The following RRBP1 variants were observed in gnomAD, a reference collection of about 807,000 sequenced individuals.
RRBP1 encodes the protein ribosome binding protein 1.
RRBP1 carries 94 observed loss-of-function variants against 165.2 expected under a neutral mutation model. The observed-to-expected ratio is 0.57, with a 90% CI of 0.48 to 0.68. The LOEUF is 0.68. RRBP1 is among the 30% of genes least tolerant of loss of function. RRBP1 has a pLI of 0.00. For synonymous variants in RRBP1, 680 were observed against 714.5 expected (o/e 0.95, Z 0.77); for missense variants, 1,676 against 1,763.0 (o/e 0.95, Z 0.88).
chr20:17,634,653 C>T (rs552618045), intron 7 of RRBP1, among the ~76,000 whole-genome samples: 179 of 152,326 alleles, frequency 1.2e-3, no homozygotes, highest in Non-Finnish European at 2.0e-3. Context: ...AGAGCCTTAC[C>T]CATTAAGGAG....
chr20:17,616,718 C>T lies in RRBP1; in HGVS notation c.3867+14G>A. 6.3e-7 allele frequency: 1 copy of T among 1,582,710 alleles called. No homozygotes were observed. Among genetic ancestry groups the T allele is most frequent in the African/African-American group, 1.4e-5 (1 of 73,942 alleles). ...GATTAGTGATGTGTCTGGGGACCAG[C>T]TCACCGCCCTAACCTGAACGGGGTC... On this transcript the variant is annotated intron_variant, in intron 21 of 24. Transcript: ENST00000377813.
At chr20:17,679,177 GTTATT>G (rs2037134620) in intron 2 of RRBP1, among the ~76,000 whole-genome samples, 1 of 152,192 alleles carries the variant, frequency 6.6e-6, no homozygotes. Flanking sequence ...CTAGAACAGG[GTTATT>G]TTAAGGCCTA....
At chr20:17,651,294 C>T (rs2122407679) in intron 3 of RRBP1, among the ~76,000 whole-genome samples, 1 of 152,298 alleles carries the variant, frequency 6.6e-6, no homozygotes, top group South Asian at 2.1e-4. Flanking sequence ...GGCCTCTCAT[C>T]GTAAATTGTG....
rs1600727872 is a variant in RRBP1 at position 17,621,768 on chromosome 20, G to A, written c.3246C>T (p.Tyr1082=). 1.2e-6 allele frequency: 2 copies of A among 1,613,854 alleles called. No individual in the cohort carries two copies. Among genetic ancestry groups the A allele is most frequent in the Admixed American group, 1.7e-5 (1 of 60,014 alleles). Residue 1082 remains tyrosine, a synonymous_variant, in exon 15 of 25, where the codon TAC becomes TAT. Coordinates refer to ENST00000377813, the MANE Select transcript of RRBP1 (RefSeq NM_001365613.2). ...CTTTGAGATCCTGCAGCCACTCGGTGTAATTCTGCAATGAAACACATTCGG... is the reference window on the plus strand; with the variant it reads ...CTTTGAGATCCTGCAGCCACTCGGTATAATTCTGCAATGAAACACATTCGG... ...PELSVLAQQN[Y]TEWLQDLKEK... is the part of the protein sequence containing the mutation.
At chr20:17,622,695 T>C (rs1308066841) in intron 13 of RRBP1, among the ~76,000 whole-genome samples, 1 of 152,018 alleles carries the variant, frequency 6.6e-6, no homozygotes, top group Non-Finnish European at 1.5e-5. Flanking sequence ...AAGGGAATCA[T>C]GAAGCAAAGC....
chr20:17,620,189 T>A (rs1472483305), intron 18 of RRBP1, 110 bp downstream of exon 18: 3 of 814,558 alleles, frequency 3.7e-6, no homozygotes, highest in Non-Finnish European at 6.2e-6. Flanking sequence ...ATGCCTCTCT[T>A]AAGGCACACG....
At chr20:17,672,043 T>C (rs1227103996) in intron 2 of RRBP1, among the ~76,000 whole-genome samples, 1 of 152,098 alleles carries the variant, frequency 6.6e-6, no homozygotes, top group Non-Finnish European at 1.5e-5. Flanking sequence ...TACTACCAAC[T>C]CTGGACCTGG....
At chr20:17,640,525 T>C (rs567939228) in intron 5 of RRBP1, among the ~76,000 whole-genome samples, 1 of 152,148 alleles carries the variant, frequency 6.6e-6, no homozygotes, top group African/African-American at 2.4e-5. Flanking sequence ...TCCTCACAGA[T>C]CAGCATTTGG....
intron 3 of RRBP1, among the ~76,000 whole-genome samples, chr20:17,644,331 G>C (rs2036424703): frequency 6.6e-6 from 1 of 151,124 alleles, no homozygotes; most frequent in East Asian, 1.9e-4. Context: ...GCAAAAGCAT[G>C]CCCCTTCAAC....
rs759799142 is a variant in RRBP1, at chr20:17,635,635, A to C, written c.2367T>G (p.Asn789Lys). The C allele has an allele frequency of 6.2e-7, 1 of 1,613,560 alleles. No homozygotes were observed. The highest frequency in any genetic ancestry group is 8.5e-7 in the Non-Finnish European group (1 of 1,179,928). ...KIRTLQEQLE[N>K]GPNTQLARLQ... Reference sequence around the variant, plus strand: ...GGCGGGCCAGCTGCGTGTTGGGGCCATTCTCCAGCTGCTCCTGAAGAGTCC... The same window carrying C: ...GGCGGGCCAGCTGCGTGTTGGGGCCCTTCTCCAGCTGCTCCTGAAGAGTCC... Residue 789 changes from asparagine to lysine, a missense_variant, in exon 7 of 25, where the codon AAT becomes AAG. This residue lies in a region of RRBP1 where 1,184 missense variants were observed against 1,167.1 expected (regional missense o/e 1.01). Coordinates refer to ENST00000377813, the MANE Select transcript of RRBP1 (RefSeq NM_001365613.2).
intron 7 of RRBP1, among the ~76,000 whole-genome samples, chr20:17,635,043 A>G (rs1182892951): frequency 6.6e-6 from 1 of 152,172 alleles, no homozygotes; most frequent in African/African-American, 2.4e-5. Context: ...ACTTCGGACC[A>G]GAGAAAGCAA....
intron 2 of RRBP1, among the ~76,000 whole-genome samples, chr20:17,663,999 C>T (rs2036819317): frequency 6.6e-6 from 1 of 152,250 alleles, no homozygotes. Flanking sequence ...TCTGAAACTG[C>T]AGTAATACTG....
In RRBP1 at chr20:17,629,900, A is replaced by G. The variant is rs1175887283; in HGVS notation, c.2672T>C (p.Leu891Pro). The stretch of plus-strand genomic sequence containing the variant: ...GGCGTGGCTGCTCTGCGTGTGGCAC[A>G]GCTCCCGGCTGACCTCGTCCAGGCG... ...QKRLDEVSRELCHTQSSHASL... is the reference protein window; with the variant it reads ...QKRLDEVSREPCHTQSSHASL... The change falls in exon 9 of 25, where the codon CTG (leucine) becomes CCG (proline). Residue 891 changes from leucine (L) to proline (P), a missense_variant. Physicochemically the swap from Leu to Pro is moderately conservative, Grantham distance 98 (BLOSUM62 -3). Transcript: ENST00000377813. The G allele has an allele frequency of 6.2e-7, 1 of 1,600,256 alleles. No homozygotes were observed. Among genetic ancestry groups the G allele is most frequent in the Non-Finnish European group, 8.5e-7 (1 of 1,179,438 alleles).
intron 2 of RRBP1, among the ~76,000 whole-genome samples, chr20:17,666,424 G>C (rs1336176593): frequency 2.0e-5 from 3 of 151,578 alleles, no homozygotes; most frequent in Non-Finnish European, 4.4e-5. Flanking sequence ...TTGTTTTGTT[G>C]ATGGTTAGAA....
At chr20:17,655,654 T>C (rs1002786449) in intron 3 of RRBP1, among the ~76,000 whole-genome samples, 1 of 152,192 alleles carries the variant, frequency 6.6e-6, no homozygotes. Flanking sequence ...GCTGCCACAG[T>C]TTACACTGTT....
At chr20:17,664,535 A>C (rs2036831360) in intron 2 of RRBP1, among the ~76,000 whole-genome samples, 1 of 152,250 alleles carries the variant, frequency 6.6e-6, no homozygotes. Context: ...GGACAGACTG[A>C]ACTCACTGGC....
At chr20:17,648,277 G>A (rs1250431031) in intron 3 of RRBP1, among the ~76,000 whole-genome samples, 7 of 152,234 alleles carry the variant, frequency 4.6e-5, no homozygotes, top group Non-Finnish European at 1.0e-4. Context: ...TGGGGGAAGT[G>A]AGCTTTATGA....
At chr20:17,668,260 A>G (rs924181104) in intron 2 of RRBP1, among the ~76,000 whole-genome samples, 1 of 152,094 alleles carries the variant, frequency 6.6e-6, no homozygotes, top group Non-Finnish European at 1.5e-5. Flanking sequence ...TACCATTTGG[A>G]TAACTCGTTA....
intron 2 of RRBP1, among the ~76,000 whole-genome samples, chr20:17,663,523 T>G (rs2036810250): frequency 6.6e-6 from 1 of 152,186 alleles, no homozygotes; most frequent in African/African-American, 2.4e-5. Context: ...AAAAGAAATC[T>G]TTCACAAGAA....
Sources: allele counts gnomAD v4.1 joint callset (sites outside exome capture counted in the v4.1 genomes callset), GRCh38; gene constraint gnomAD v4.1.1; regional missense constraint gnomAD v4.1.1; transcripts MANE v1.5; gene names NCBI Gene and HGNC (gene_info 2026-07-23, HGNC 2026-07-21).